Variants in SGCD observed in about 807,000 individuals in gnomAD.
SGCD encodes delta-sarcoglycan.
A neutral mutation model predicts 36.6 loss-of-function variants in SGCD; 18 were observed. That is an observed-to-expected ratio of 0.49 (90% CI 0.34 to 0.73). SGCD has a LOEUF of 0.73. Ranked by LOEUF, SGCD falls within the 30% of genes least tolerant of loss-of-function variation. The pLI is 0.01. For synonymous variants in SGCD, 133 were observed against 130.6 expected (o/e 1.02, Z -0.12); for missense variants, 387 against 346.7 (o/e 1.12, Z -0.92).
intron 3 of SGCD, among the ~76,000 whole-genome samples, chr5:156,303,814 G>A (rs1267401553): frequency 6.6e-6 from 1 of 151,736 alleles, no homozygotes; most frequent in Non-Finnish European, 1.5e-5. Context: ...TTTAAGGGCT[G>A]TGTTTGCACT....
the SGCD span, among the ~76,000 whole-genome samples, chr5:155,826,570 C>G: frequency 6.6e-6 from 1 of 152,172 alleles, no homozygotes; most frequent in Non-Finnish European, 1.5e-5. Context: ...TTGGTGTTCC[C>G]TCTGTCTGAA....
chr5:156,616,531 G>C (rs1213527233), intron 6 of SGCD, among the ~76,000 whole-genome samples: 1 of 152,200 alleles, frequency 6.6e-6, no homozygotes, highest in Non-Finnish European at 1.5e-5. Context: ...CCCAGGCATT[G>C]TGAAGGGTAT....
chr5:156,005,428 TTTG>T (rs5872447), intron 1 of SGCD, among the ~76,000 whole-genome samples: 15,299 of 150,536 alleles, frequency 0.1, 2,311 homozygotes, highest in African/African-American at 0.33. Context: ...GTCTTCAGTT[TTTG>T]TTGTTGTTGT....
intron 2 of SGCD, among the ~76,000 whole-genome samples, chr5:156,339,339 G>A (rs751239432): frequency 6.6e-5 from 10 of 152,286 alleles, no homozygotes; most frequent in Non-Finnish European, 1.3e-4. Context: ...GTTTTATGAC[G>A]AAGTAATGCT....
At chr5:156,246,882 C>G (rs758000454) in intron 3 of SGCD, among the ~76,000 whole-genome samples, 10 of 152,152 alleles carry the variant, frequency 6.6e-5, no homozygotes, top group African/African-American at 7.2e-5. Flanking sequence ...ATAATGACCA[C>G]TTTAGGCCTA....
At chr5:156,208,642 A>C (rs1313509739) in intron 3 of SGCD, among the ~76,000 whole-genome samples, 1 of 152,218 alleles carries the variant, frequency 6.6e-6, no homozygotes, top group East Asian at 1.9e-4. Flanking sequence ...TGTGCCTTAA[A>C]ATATTCAACT....
chr5:155,834,760 T>C, the SGCD span, among the ~76,000 whole-genome samples: 1 of 152,168 alleles, frequency 6.6e-6, no homozygotes, highest in East Asian at 1.9e-4. Flanking sequence ...GGTGAAGACA[T>C]GGTGCCTTGT....
intron 3 of SGCD, among the ~76,000 whole-genome samples, chr5:156,248,948 C>A (rs1765507583): frequency 6.6e-6 from 1 of 152,150 alleles, no homozygotes; most frequent in Non-Finnish European, 1.5e-5. Context: ...AGTTGTTGCT[C>A]ACCAAATTAT....
intron 1 of SGCD, among the ~76,000 whole-genome samples, chr5:156,058,175 A>C (rs1760108119): frequency 1.4e-5 from 2 of 146,164 alleles, no homozygotes; most frequent in South Asian, 4.3e-4. Flanking sequence ...ACTGATTCTG[A>C]GCAAGCCTTT....
the SGCD span, among the ~76,000 whole-genome samples, chr5:155,853,299 G>T: frequency 9.9e-5 from 15 of 151,986 alleles, no homozygotes; most frequent in African/African-American, 3.6e-4. Flanking sequence ...AGGCTCTTTA[G>T]TCTTGGTACA....
rs190026488 is a variant in SGCD, at chr5:156,438,749, G to T, written c.193-69852G>T. On this transcript the variant is annotated intron_variant, in intron 3 of 8. Transcript: ENST00000337851. ...TTTTCAACATTTTTGAAAGTCTTTT[G>T]TACCTTCTATGGCACCTAGTTTAAT... Among the ~76,000 whole-genome samples the T allele has an allele frequency of 1.4e-3, 208 of 152,164 alleles. 1 individual carries two copies. Among genetic ancestry groups the T allele is most frequent in the Non-Finnish European group, 1.1e-3 (74 of 67,986 alleles).
intron 7 of SGCD, among the ~76,000 whole-genome samples, chr5:156,727,785 GA>G (rs1755852533): frequency 6.6e-6 from 1 of 152,164 alleles, no homozygotes; most frequent in Non-Finnish European, 1.5e-5. Flanking sequence ...ACTTAATAGA[GA>G]AGGTAATTAA....
chr5:156,099,076 C>T (rs1158443835), intron 1 of SGCD, among the ~76,000 whole-genome samples: 1 of 152,196 alleles, frequency 6.6e-6, no homozygotes, highest in African/African-American at 2.4e-5. Context: ...TGTTGGTAAA[C>T]ACCAGATCTG....
chr5:155,836,296 G>GA, the SGCD span, among the ~76,000 whole-genome samples: 1 of 152,138 alleles, frequency 6.6e-6, no homozygotes, highest in Non-Finnish European at 1.5e-5. Context: ...GTGAGATATT[G>GA]GCAGTCCCAC....
At chr5:156,441,204 C>T (rs979088498) in intron 3 of SGCD, among the ~76,000 whole-genome samples, 7 of 152,110 alleles carry the variant, frequency 4.6e-5, no homozygotes, top group African/African-American at 1.7e-4. Flanking sequence ...CATGGTAAAG[C>T]CTCCATGAGG....
At chr5:156,744,451 C>T (rs1756848058) in intron 7 of SGCD, among the ~76,000 whole-genome samples, 2 of 152,168 alleles carry the variant, frequency 1.3e-5, no homozygotes, top group South Asian at 4.1e-4. Flanking sequence ...GGGCTAGGTA[C>T]ATGCTGAGTT....
At chr5:155,880,397 A>G (rs530682409) in intron 1 of SGCD, among the ~76,000 whole-genome samples, 26 of 152,290 alleles carry the variant, frequency 1.7e-4, no homozygotes, top group African/African-American at 6.3e-4. Flanking sequence ...TGACTTAACT[A>G]TTGAGTGAAT....
intron 1 of SGCD, among the ~76,000 whole-genome samples, chr5:156,116,083 G>T (rs1435219317): frequency 6.6e-6 from 1 of 151,768 alleles, no homozygotes; most frequent in Non-Finnish European, 1.5e-5. Context: ...CCTCATTTTT[G>T]GTGAAAAACT....
At chr5:156,204,413 T>G (rs1327152058) in intron 3 of SGCD, among the ~76,000 whole-genome samples, 1 of 151,872 alleles carries the variant, frequency 6.6e-6, no homozygotes, top group Non-Finnish European at 1.5e-5. Flanking sequence ...GATACAAATA[T>G]ATATATAAGG....
Sources: allele counts gnomAD v4.1 joint callset (sites outside exome capture counted in the v4.1 genomes callset), GRCh38; gene constraint gnomAD v4.1.1; transcripts MANE v1.5; gene names NCBI Gene and HGNC (gene_info 2026-07-23, HGNC 2026-07-21).